The following MAGI2 variants were observed in gnomAD, a reference collection of about 807,000 sequenced individuals.
The protein encoded by MAGI2 is membrane-associated guanylate kinase, WW and PDZ domain-containing protein 2.
In MAGI2, 35 loss-of-function variants were observed where a neutral mutation model predicts 133.3. That is an observed-to-expected ratio of 0.26 (90% CI 0.20 to 0.35). The LOEUF (loss-of-function observed/expected upper bound fraction) is 0.35, where lower values mean the gene tolerates loss of function less well. MAGI2 is among the 10% of genes least tolerant of loss of function. MAGI2 has a pLI of 1.00. For synonymous variants in MAGI2, 729 were observed against 710.6 expected, an observed-to-expected ratio of 1.03 and a Z score of -0.41; for missense variants, 1,636 against 1,863.4, an observed-to-expected ratio of 0.88 and a Z score of 2.25.
intron 2 of MAGI2, among the ~76,000 whole-genome samples, chr7:78,737,913 C>T (rs1822026459): frequency 6.6e-6 from 1 of 152,000 alleles, no homozygotes; most frequent in African/African-American, 2.4e-5. Context: ...ATGGCTATCA[C>T]TTAGTGGTAA....
At chr7:79,414,655 C>T (rs1270608284) in intron 1 of MAGI2, 2 of 152,222 alleles carry the variant, frequency 1.3e-5, no homozygotes, top group South Asian at 4.2e-4. Flanking sequence ...AAAACTCTAT[C>T]TCCTCAGTCC....
intron 2 of MAGI2, among the ~76,000 whole-genome samples, chr7:78,899,126 T>C (rs528198054): frequency 7.2e-5 from 11 of 152,254 alleles, no homozygotes; most frequent in South Asian, 4.1e-4. Flanking sequence ...GATTTCACAT[T>C]TAAAACAGAA....
intron 6 of MAGI2, among the ~76,000 whole-genome samples, chr7:78,405,454 G>C (rs1362648927): frequency 6.6e-6 from 1 of 151,888 alleles, no homozygotes; most frequent in African/African-American, 2.4e-5. Context: ...TTTATATTCA[G>C]AACTCACCCA....
At chr7:78,428,987 CA>C (rs1322372991) in intron 6 of MAGI2, among the ~76,000 whole-genome samples, 2 of 152,072 alleles carry the variant, frequency 1.3e-5, no homozygotes, top group Non-Finnish European at 2.9e-5. Context: ...GTGTTACTAA[CA>C]AAAAGTTAGT....
intron 2 of MAGI2, among the ~76,000 whole-genome samples, chr7:78,720,106 T>C (rs1820120755): frequency 6.6e-6 from 1 of 152,166 alleles, no homozygotes; most frequent in Admixed American, 6.6e-5. Context: ...TGCAGATAAA[T>C]TCTTTTGTAA....
At position 78,424,337 on chromosome 7, in the gene MAGI2, A is replaced by G. The variant is rs536579623; in HGVS notation, c.1046-55124T>C. On this transcript the variant is annotated intron_variant, in intron 6 of 21. Coordinates refer to ENST00000354212, the MANE Select transcript of MAGI2 (RefSeq NM_012301.4). ...TGAGGTTTGGGAACCTCTGCTGCCT[A>G]TATTTCAGAAGATATATGGAAATGC... Among the ~76,000 whole-genome samples the G allele has an allele frequency of 4.1e-4, 62 of 152,290 alleles. 1 individual carries two copies. The highest frequency in any genetic ancestry group is 1.4e-3 in the African/African-American group (57 of 41,564).
chr7:78,346,657 A>C (rs544034062), intron 7 of MAGI2, among the ~76,000 whole-genome samples: 58 of 152,358 alleles, frequency 3.8e-4, no homozygotes, highest in Middle Eastern at 3.4e-3. Context: ...TATCAGACGC[A>C]GAGTGGCTTG....
chr7:79,156,993 C>T (rs1226258804), intron 1 of MAGI2, among the ~76,000 whole-genome samples: 1 of 152,048 alleles, frequency 6.6e-6, no homozygotes, highest in Non-Finnish European at 1.5e-5. Flanking sequence ...CTGGAACTCC[C>T]TTCGGTTGAC....
At chr7:79,450,194 A>C (rs1363242326) in intron 1 of MAGI2, among the ~76,000 whole-genome samples, 1 of 152,084 alleles carries the variant, frequency 6.6e-6, no homozygotes, top group African/African-American at 2.4e-5. Flanking sequence ...ACTGCTAAAC[A>C]AACCATGTTT....
At chr7:78,968,620 T>C (rs1198343036) in intron 2 of MAGI2, among the ~76,000 whole-genome samples, 7 of 152,082 alleles carry the variant, frequency 4.6e-5, no homozygotes, top group Admixed American at 4.6e-4. Flanking sequence ...TCAGCTATTG[T>C]TATATTACAT....
intron 10 of MAGI2, among the ~76,000 whole-genome samples, chr7:78,239,513 A>T (rs187222885): frequency 3.8e-4 from 58 of 152,108 alleles, no homozygotes; most frequent in Admixed American, 8.5e-4. Context: ...CTGTACATGG[A>T]TAAAGGGTTA....
intron 6 of MAGI2, among the ~76,000 whole-genome samples, chr7:78,454,283 G>A (rs1002424916): frequency 6.6e-6 from 1 of 152,126 alleles, no homozygotes; most frequent in African/African-American, 2.4e-5. Flanking sequence ...ATGATCCATA[G>A]ACTCTACCAA....
At chr7:78,535,102 AG>A (rs1797775554) in intron 3 of MAGI2, among the ~76,000 whole-genome samples, 1 of 152,212 alleles carries the variant, frequency 6.6e-6, no homozygotes, top group African/African-American at 2.4e-5. Context: ...ACTGCACTCC[AG>A]CCTGGGTGAC....
chr7:79,191,248 T>C (rs1419533146), intron 1 of MAGI2, among the ~76,000 whole-genome samples: 2 of 151,608 alleles, frequency 1.3e-5, no homozygotes, highest in African/African-American at 4.9e-5. Flanking sequence ...TGTGTTAAAT[T>C]TAGAGAATAA....
intron 6 of MAGI2, among the ~76,000 whole-genome samples, chr7:78,477,410 T>C (rs1791885444): frequency 6.6e-6 from 1 of 151,936 alleles, no homozygotes; most frequent in African/African-American, 2.4e-5. Flanking sequence ...CCCTGTAAGT[T>C]TAAGAATTTT....
intron 3 of MAGI2, chr7:78,614,570 C>T (rs1165463625): frequency 6.6e-6 from 1 of 152,132 alleles, no homozygotes; most frequent in East Asian, 1.9e-4. Flanking sequence ...TATCTAATCA[C>T]TTTTTAAATG....
At chr7:79,243,583 G>T (rs1031230694) in intron 1 of MAGI2, among the ~76,000 whole-genome samples, 1 of 152,122 alleles carries the variant, frequency 6.6e-6, no homozygotes. Context: ...TAAAATGCTG[G>T]AAAAAAGAAT....
At chr7:78,172,640 G>A (rs933144388) in intron 14 of MAGI2, among the ~76,000 whole-genome samples, 2 of 152,200 alleles carry the variant, frequency 1.3e-5, no homozygotes, top group African/African-American at 4.8e-5. Flanking sequence ...TTTGCTGAAA[G>A]CCGTGCTGTT....
chr7:78,440,353 C>T (rs1193506770), intron 6 of MAGI2, among the ~76,000 whole-genome samples: 2 of 152,066 alleles, frequency 1.3e-5, no homozygotes, highest in Admixed American at 6.5e-5. Context: ...AATTTGAACT[C>T]GGGCAATCTG....
Sources: allele counts gnomAD v4.1 joint callset (sites outside exome capture counted in the v4.1 genomes callset), GRCh38; gene constraint gnomAD v4.1.1; transcripts MANE v1.5; gene names NCBI Gene and HGNC (gene_info 2026-07-23, HGNC 2026-07-21).